FGFR1: variants seen among roughly 807,000 people sequenced by gnomAD.
FGFR1 encodes FGFR1/PLAG1 fusion.
In FGFR1, 18 loss-of-function variants were observed where a neutral mutation model predicts 93.7. The observed-to-expected ratio is 0.19, with a 90% confidence interval of 0.13 to 0.28. FGFR1 has a LOEUF of 0.28. Ranked by LOEUF, FGFR1 falls within the 10% of genes least tolerant of loss-of-function variation. The pLI is 1.00. For missense variants in FGFR1, 731 were observed against 1,080.4 expected, an observed-to-expected ratio of 0.68 and a Z score of 4.53; for synonymous variants, 448 against 429.3, an observed-to-expected ratio of 1.04 and a Z score of -0.54.
chr8:38,415,383 T>G (rs17182435), intron 13 of FGFR1, among the ~76,000 whole-genome samples: 92 of 152,028 alleles, frequency 6.1e-4, no homozygotes, highest in African/African-American at 2.2e-3. Flanking sequence ...AGCCTCAAAC[T>G]CTTGGGCTCA....
chr8:38,418,076 T>C (rs1817358610), intron 10 of FGFR1, 85 bp from the exon 11 acceptor site: 3 of 1,610,060 alleles, frequency 1.9e-6, no homozygotes, highest in African/African-American at 1.3e-5. Flanking sequence ...CTCTCTGTAT[T>C]TCACCCAACT....
Position 38,412,224 on chromosome 8 carries a change from A to T in FGFR1, c.*1404T>A, listed in dbSNP as rs1396980314. On this transcript the variant is annotated 3_prime_UTR_variant, in exon 18 of 18. Transcript: ENST00000447712. ...GCCACCATGCCTGGATAATTTTTGCATTTTTAGTAGAGATGGGGTTTCACT... is the reference window on the plus strand; with the variant it reads ...GCCACCATGCCTGGATAATTTTTGCTTTTTTAGTAGAGATGGGGTTTCACT... The T allele has an allele frequency of 4.7e-6, 1 of 212,190 alleles. No homozygotes were observed. Among genetic ancestry groups the T allele is most frequent in the Non-Finnish European group, 9.5e-6 (1 of 104,876 alleles). The allele number at this position is 212,190 out of a possible 1,614,324, so 13.1% of individuals were successfully genotyped here. A position where few individuals can be genotyped will look rare whatever the true frequency, so the allele number is the denominator to read the frequency against.
Position 38,426,342 on chromosome 8 carries a change from G to T in FGFR1, c.622-97C>A. 1 of 1,555,822 alleles carries T rather than the reference G, an allele frequency of 6.4e-7. No homozygotes were observed. The highest frequency in any genetic ancestry group is 8.8e-7 in the Non-Finnish European group (1 of 1,138,616). Reference sequence around the variant, plus strand: ...CCCGTGGCACCTGCCCTCCATATCAGAGCCTGGTGGCACAGGGCCCCAGGC... The same window carrying T: ...CCCGTGGCACCTGCCCTCCATATCATAGCCTGGTGGCACAGGGCCCCAGGC... On this transcript the variant is annotated intron_variant, in intron 5 of 17. Coordinates refer to ENST00000447712, the MANE Select transcript of FGFR1 (RefSeq NM_023110.3). The surrounding 1 kb of genome is among the most constrained non-coding windows in gnomAD (Gnocchi z 4.1).
chr8:38,454,215 AC>A (rs1832011776), intron 2 of FGFR1, among the ~76,000 whole-genome samples: 1 of 137,904 alleles, frequency 7.3e-6, no homozygotes, highest in Non-Finnish European at 1.6e-5. Flanking sequence ...CTCTACTAGC[AC>A]CCCCACCCTG....
At position 38,411,764 on chromosome 8, in the gene FGFR1, G is replaced by GCCAAAAA. The variant is rs1814481600; in HGVS notation, c.*1857_*1863dup. 1.3e-5 allele frequency: 3 copies of GCCAAAAA among 230,926 alleles called. No individual in the cohort carries two copies. Among genetic ancestry groups the GCCAAAAA allele is most frequent in the Non-Finnish European group, 2.6e-5 (3 of 116,416 alleles). The allele number at this position is 230,926 out of a possible 1,614,324, so 14.3% of individuals were successfully genotyped here. A position where few individuals can be genotyped will look rare whatever the true frequency, so the allele number is the denominator to read the frequency against. ...AGGTGGCAGAAGTAAATTCCAAGCA[G>GCCAAAAA]CCAAAAAACCAAAAACATTCGGAGA... is the stretch of plus-strand genomic sequence containing the variant. On this transcript the variant is annotated 3_prime_UTR_variant, in exon 18 of 18. Transcript: ENST00000447712.
At chr8:38,444,942 G>A (rs1465999249) in intron 2 of FGFR1, among the ~76,000 whole-genome samples, 1 of 152,138 alleles carries the variant, frequency 6.6e-6, no homozygotes, top group Non-Finnish European at 1.5e-5. Context: ...GCTGGGTCCA[G>A]CCAGAGAGAG....
chr8:38,429,976 A>T lies in FGFR1; in HGVS notation c.92-28T>A, dbSNP rs1219023823. The T allele has an allele frequency of 6.3e-7, 1 of 1,587,342 alleles. No homozygotes were observed. Among genetic ancestry groups the T allele is most frequent in the Non-Finnish European group, 8.6e-7 (1 of 1,165,694 alleles). On this transcript the variant is annotated intron_variant, in intron 2 of 17. Transcript: ENST00000447712. The surrounding 1 kb of genome is among the most constrained non-coding windows in gnomAD (Gnocchi z 4.4). ...GCAGCCACCACGGGGCCGGGAAGGG[A>T]AGCCAAGGGGCGAGAGAGGAAGACA...
chr8:38,430,449 C>T lies in FGFR1; in HGVS notation c.92-501G>A, dbSNP rs151248510. 7.0e-3 allele frequency: 1,101 copies of T among 157,476 alleles called. 6 individuals are homozygous for T. Among genetic ancestry groups the T allele is most frequent in the Middle Eastern group, 0.023 (7 of 308 alleles). The allele number at this position is 157,476 out of a possible 1,614,324, so 9.8% of individuals were successfully genotyped here. ...AAACCCCAGCAGCCCCTGCCCAAGT[C>T]GAGAGAAGGCAATTTGTCAACTGGG... On this transcript the variant is annotated intron_variant, in intron 2 of 17. Transcript: ENST00000447712.
chr8:38,449,216 C>T (rs893405721), intron 2 of FGFR1, among the ~76,000 whole-genome samples: 5 of 151,818 alleles, frequency 3.3e-5, no homozygotes, highest in African/African-American at 1.2e-4. Flanking sequence ...TAATCTAAAC[C>T]CAAGCTAAAC....
chr8:38,415,853 G>A lies in FGFR1; in HGVS notation c.1854+17C>T, dbSNP rs745533062. On this transcript the variant is annotated intron_variant, in intron 13 of 17. Transcript: ENST00000447712. The stretch of plus-strand genomic sequence containing the variant: ...TCCCACCCTGGCATTACCCAGGGGA[G>A]CCTTCAGGTTCCACACCTTCTTGGA... The A allele has an allele frequency of 1.2e-6, 2 of 1,611,826 alleles. No homozygotes were observed. The highest frequency in any genetic ancestry group is 1.7e-6 in the Non-Finnish European group (2 of 1,179,034).
intron 2 of FGFR1, among the ~76,000 whole-genome samples, chr8:38,436,234 G>C (rs996483115): frequency 6.6e-6 from 1 of 152,050 alleles, no homozygotes; most frequent in Non-Finnish European, 1.5e-5. Flanking sequence ...AATTAGCCAG[G>C]CATAGTGGTG....
intron 7 of FGFR1, chr8:38,422,289 G>A (rs1229933901): frequency 4.3e-6 from 2 of 459,824 alleles, no homozygotes; most frequent in Non-Finnish European, 8.1e-6. Context: ...AAGATAGCCA[G>A]AAGGTGAACA....
rs755401018 is a variant in FGFR1, at chr8:38,424,377, G to T, written c.936+132C>A. On this transcript the variant is annotated intron_variant, in intron 7 of 17. Coordinates refer to ENST00000447712, the MANE Select transcript of FGFR1 (RefSeq NM_023110.3). This position sits in a 1 kb window ranked among gnomAD's most constrained non-coding sequence, Gnocchi z 4.3. ...ATGTGGCTAGATCCCTACTGAGATG[G>T]AGTGTGTGTGCCTGAAGCGTGAGGA... is the stretch of plus-strand genomic sequence containing the variant. The T allele has an allele frequency of 1.1e-6, 1 of 931,560 alleles. No individual in the cohort carries two copies. The highest frequency in any genetic ancestry group is 2.5e-5 in the East Asian group (1 of 39,422). 57.7% of individuals were successfully genotyped at this position (931,560 alleles called of 1,614,324 possible).
rs17182079 is a variant in FGFR1 at position 38,468,016 on chromosome 8, C to T, written c.-124G>A. 1.1e-3 allele frequency: 236 copies of T among 221,346 alleles called. 1 individual carries two copies. Among genetic ancestry groups the T allele is most frequent in the Admixed American group, 9.3e-3 (162 of 17,332 alleles). 13.7% of individuals were successfully genotyped at this position (221,346 alleles called of 1,614,324 possible). A position where few individuals can be genotyped will look rare whatever the true frequency, so the allele number is the denominator to read the frequency against. On this transcript the variant is annotated 5_prime_UTR_variant, in exon 1 of 18. Coordinates refer to ENST00000447712, the MANE Select transcript of FGFR1 (RefSeq NM_023110.3). ...GTGGAGGTTCCGCCTCGGGAGAGTC[C>T]GCCGTGGCTTGTGCGAGCGGGCGTG... is the stretch of plus-strand genomic sequence containing the variant.
chr8:38,463,535 G>C (rs1452259828), intron 1 of FGFR1: 5 of 223,422 alleles, frequency 2.2e-5, no homozygotes, highest in South Asian at 1.8e-4. Flanking sequence ...CCTAACCTTT[G>C]CTAACACCCT....
intron 16 of FGFR1, 36 bp from the exon 17 acceptor site, chr8:38,414,059 G>A (rs2150525821): frequency 6.2e-7 from 1 of 1,613,758 alleles, no homozygotes; most frequent in Non-Finnish European, 8.5e-7. Flanking sequence ...ACGTCTCCTG[G>A]AGATGGATAC....
chr8:38,422,039 G>A, intron 7 of FGFR1, 98 bp from the exon 8 acceptor site: 12 of 1,373,414 alleles, frequency 8.7e-6, no homozygotes, highest in Non-Finnish European at 1.2e-5. Flanking sequence ...GGGGACTAGA[G>A]GAAGAAATGC....
chr8:38,415,298 C>CT (rs1396073984), intron 13 of FGFR1, among the ~76,000 whole-genome samples: 12 of 152,166 alleles, frequency 7.9e-5, no homozygotes, highest in Non-Finnish European at 1.8e-4. Context: ...TATTGTTATA[C>CT]TTTATTTTCT....
At chr8:38,440,574 G>A (rs1470453733) in intron 2 of FGFR1, among the ~76,000 whole-genome samples, 3 of 151,318 alleles carry the variant, frequency 2.0e-5, no homozygotes, top group African/African-American at 7.3e-5. Context: ...TTGGAGAAGG[G>A]CTTTTTTTTT....
Sources: gnomAD v4.1 joint callset for allele counts (sites outside exome capture counted in the v4.1 genomes callset) on GRCh38, gnomAD v4.1.1 for gene constraint, Gnocchi (gnomAD v3.1) non-coding constraint, MANE v1.5 for transcripts, NCBI Gene and HGNC (gene_info 2026-07-23, HGNC 2026-07-21) for gene names.